The following ERBB4 variants were observed in gnomAD, a reference collection of about 807,000 sequenced individuals.
The protein encoded by ERBB4 is erb-b2 receptor tyrosine kinase 4, also known as receptor tyrosine-protein kinase erbB-4.
In ERBB4, 42 loss-of-function variants were observed where a neutral mutation model predicts 158.0. That is an observed-to-expected ratio of 0.27 (90% CI 0.21 to 0.34). ERBB4 has a LOEUF of 0.34. Among genes scored for constraint, ERBB4 ranks in the 10% least tolerant of loss-of-function variants. The pLI is 1.00. For missense variants in ERBB4, 1,333 were observed against 1,624.1 expected (o/e 0.82, Z 3.08); for synonymous variants, 583 against 558.7 (o/e 1.04, Z -0.61).
chr2:211,384,300 C>T (rs1479518038), intron 27 of ERBB4, among the ~76,000 whole-genome samples: 1 of 152,076 alleles, frequency 6.6e-6, no homozygotes, highest in Admixed American at 6.6e-5. Flanking sequence ...ATTTCTATCT[C>T]CTAAATTTTT....
intron 4 of ERBB4, among the ~76,000 whole-genome samples, chr2:211,786,974 T>C (rs1268029796): frequency 6.6e-6 from 1 of 152,236 alleles, no homozygotes; most frequent in Non-Finnish European, 1.5e-5. Flanking sequence ...AAAATTATGT[T>C]ACTCTACTTT....
chr2:212,010,678 G>A (rs998659847), intron 2 of ERBB4, among the ~76,000 whole-genome samples: 3 of 152,220 alleles, frequency 2.0e-5, no homozygotes, highest in African/African-American at 4.8e-5. Flanking sequence ...AACAGGGTTC[G>A]AGAGCAGAGA....
At chr2:212,481,730 CA>C (rs1394437777) in intron 1 of ERBB4, among the ~76,000 whole-genome samples, 2 of 152,094 alleles carry the variant, frequency 1.3e-5, no homozygotes, top group African/African-American at 4.8e-5. Flanking sequence ...CAGCATTCCA[CA>C]AAAAAGTATT....
intron 1 of ERBB4, among the ~76,000 whole-genome samples, chr2:212,513,196 C>T (rs1162860888): frequency 3.3e-5 from 5 of 152,042 alleles, no homozygotes; most frequent in African/African-American, 1.2e-4. Flanking sequence ...TAATAAACTC[C>T]TGATGCCTTT....
chr2:212,352,282 T>C (rs1361226221), intron 1 of ERBB4, among the ~76,000 whole-genome samples: 1 of 148,880 alleles, frequency 6.7e-6, no homozygotes, highest in African/African-American at 2.5e-5. Flanking sequence ...AGTATACCAA[T>C]GTAACAAACC....
chr2:212,340,955 TATCAAG>T (rs138347036), intron 1 of ERBB4, among the ~76,000 whole-genome samples: 397 of 152,328 alleles, frequency 2.6e-3, no homozygotes, highest in African/African-American at 8.8e-3. Context: ...TCACAGGATT[TATCAAG>T]ATCTTAAAAG....
At chr2:212,424,153 T>C (rs1574892708) in intron 1 of ERBB4, among the ~76,000 whole-genome samples, 1 of 152,124 alleles carries the variant, frequency 6.6e-6, no homozygotes, top group African/African-American at 2.4e-5. Context: ...ACAAAGTTGA[T>C]GTATAGGATA....
At chr2:212,175,015 A>T (rs561920345) in intron 1 of ERBB4, among the ~76,000 whole-genome samples, 1 of 152,046 alleles carries the variant, frequency 6.6e-6, no homozygotes, top group African/African-American at 2.4e-5. Context: ...TTTTGCCTAT[A>T]TGGCTTTTCC....
chr2:212,081,707 A>C (rs1357855286), intron 2 of ERBB4, among the ~76,000 whole-genome samples: 1 of 152,176 alleles, frequency 6.6e-6, no homozygotes, highest in Non-Finnish European at 1.5e-5. Flanking sequence ...AATGCTTGTC[A>C]AATGGGCACC....
chr2:211,714,286 A>C (rs938999165), intron 7 of ERBB4, among the ~76,000 whole-genome samples: 5 of 152,224 alleles, frequency 3.3e-5, no homozygotes, highest in African/African-American at 1.2e-4. Flanking sequence ...TCCAAAATAA[A>C]GGACAAATTA....
intron 2 of ERBB4, among the ~76,000 whole-genome samples, chr2:211,981,225 C>T (rs929084963): frequency 4.6e-5 from 7 of 152,124 alleles, no homozygotes; most frequent in South Asian, 2.1e-4. Context: ...AAGAGCACCA[C>T]GTGCTAGCAG....
At position 212,486,476 on chromosome 2, in the gene ERBB4, T is replaced by C. The variant is rs550591812; in HGVS notation, c.82+51973A>G. Among the ~76,000 whole-genome samples, 46 of 152,278 alleles carry C rather than the reference T, an allele frequency of 3.0e-4. 1 individual carries two copies. In the South Asian group the frequency reaches 5.0e-3, roughly 16 times the overall value. ...TGTTCAGGGTAATCTGAATAATCAA[T>C]AAGAGCATCATTACTCTAAGTTTTA... On this transcript the variant is annotated intron_variant, in intron 1 of 27. Coordinates refer to ENST00000342788, the MANE Select transcript of ERBB4 (RefSeq NM_005235.3).
In ERBB4 at chr2:211,713,699, C is replaced by A. The variant is rs1484822078; in HGVS notation, c.884-51G>T. The A allele has an allele frequency of 8.6e-6, 9 of 1,044,766 alleles. No individual in the cohort carries two copies. In the South Asian group the frequency reaches 9.1e-5, roughly 11 times the overall value. The allele number at this position is 1,044,766 out of a possible 1,614,324, so 64.7% of individuals were successfully genotyped here. Reference sequence around the variant, plus strand: ...AATAAGCATTAATGTTAACATTCAGCAAACAAGCTCAAAACAAGATATTTT... The same window carrying A: ...AATAAGCATTAATGTTAACATTCAGAAAACAAGCTCAAAACAAGATATTTT... On this transcript the variant is annotated intron_variant, in intron 7 of 27. Transcript: ENST00000342788.
At chr2:211,385,512 G>A (rs1040489043) in intron 27 of ERBB4, among the ~76,000 whole-genome samples, 2 of 152,116 alleles carry the variant, frequency 1.3e-5, no homozygotes. Flanking sequence ...TTTGACAAGT[G>A]TATGAAAACA....
intron 2 of ERBB4, among the ~76,000 whole-genome samples, chr2:212,027,076 T>C (rs1211902839): frequency 6.6e-6 from 1 of 151,974 alleles, no homozygotes; most frequent in African/African-American, 2.4e-5. Flanking sequence ...ATCAAGGTTA[T>C]ATATGTGGTA....
chr2:212,047,899 G>T (rs370703075), intron 2 of ERBB4, among the ~76,000 whole-genome samples: 1 of 152,002 alleles, frequency 6.6e-6, no homozygotes, highest in Non-Finnish European at 1.5e-5. Flanking sequence ...GTAAGCAAAC[G>T]TAAATAAATA....
At chr2:211,851,727 G>A (rs1216839823) in intron 3 of ERBB4, among the ~76,000 whole-genome samples, 1 of 151,876 alleles carries the variant, frequency 6.6e-6, no homozygotes, top group East Asian at 1.9e-4. Flanking sequence ...TGATCCTATT[G>A]TGATAAGAGA....
chr2:211,747,889 A>C (rs993550633), intron 5 of ERBB4, among the ~76,000 whole-genome samples: 7 of 152,046 alleles, frequency 4.6e-5, no homozygotes, highest in Admixed American at 2.0e-4. Flanking sequence ...ACCCCCATAA[A>C]TACCAAACTC....
intron 2 of ERBB4, among the ~76,000 whole-genome samples, chr2:212,031,658 G>C (rs1212681084): frequency 6.6e-6 from 1 of 152,038 alleles, no homozygotes; most frequent in Non-Finnish European, 1.5e-5. Flanking sequence ...TGTTTTTATG[G>C]TTTAATTATC....
Sources: gnomAD v4.1 joint callset for allele counts (sites outside exome capture counted in the v4.1 genomes callset) on GRCh38, gnomAD v4.1.1 for gene constraint, MANE v1.5 for transcripts, NCBI Gene and HGNC (gene_info 2026-07-23, HGNC 2026-07-21) for gene names.